The following ADH6 variants were observed in gnomAD, a reference collection of about 807,000 sequenced individuals.
ADH6 encodes the protein alcohol dehydrogenase 6.
ADH6 carries 34 observed loss-of-function variants against 36.5 expected under a neutral mutation model. The ratio of observed to expected loss-of-function variants is 0.93; its 90% CI spans 0.71 to 1.24. ADH6 has a LOEUF of 1.24. Among genes scored for constraint, ADH6 ranks in the 50% most tolerant of loss-of-function variants. ADH6 has a pLI of 0.00. For synonymous variants in ADH6, 161 were observed against 155.5 expected (o/e 1.04, Z -0.26); for missense variants, 440 against 447.0 (o/e 0.98, Z 0.14).
In ADH6 at chr4:99,203,056, C is replaced by G. The variant is rs888897558; in HGVS notation, c.*1163G>C. 5.4e-6 allele frequency: 2 copies of G among 372,084 alleles called. No individual in the cohort carries two copies. Among genetic ancestry groups the G allele is most frequent in the Non-Finnish European group, 9.5e-6 (2 of 209,592 alleles). The allele number at this position is 372,084 out of a possible 1,614,324, so 23.0% of individuals were successfully genotyped here. The stretch of plus-strand genomic sequence containing the variant: ...CTGAGGGTGCAGCCCACCTTCCTGG[C>G]CAGTGTTAAATCAGGAAACTATTTT... On this transcript the variant is annotated 3_prime_UTR_variant, in exon 9 of 9. Transcript: ENST00000394899.
At chr4:99,216,032 A>C (rs577909073) in intron 2 of ADH6, 129 bp downstream of exon 2, 7 of 482,496 alleles carry the variant, frequency 1.5e-5, no homozygotes, top group African/African-American at 1.4e-4. Context: ...ATGAAAAAGA[A>C]ATACAAAGAT....
chr4:99,204,955 T>G lies in ADH6; in HGVS notation c.1073A>C (p.Glu358Ala). 1 of 1,609,576 alleles carries G rather than the reference T, an allele frequency of 6.2e-7. No individual in the cohort carries two copies. Among genetic ancestry groups the G allele is most frequent in the Non-Finnish European group, 8.5e-7 (1 of 1,178,306 alleles). Residue 358 changes from glutamate (E) to alanine (A), a missense_variant, in exon 8 of 9, where the codon GAA becomes GCA. By Grantham distance (107) the Glu-to-Ala change is moderately radical. Coordinates refer to ENST00000394899, the MANE Select transcript of ADH6 (RefSeq NM_001102470.2). The stretch of plus-strand genomic sequence containing the variant: ...TCCAGTTTTCATTAATTCAACTGCT[T>G]CATTGATTTTATCAAGATTCAGAGT... ...THTLNLDKIN[E>A]AVELMKTGKC... is the part of the protein sequence containing the mutation.
rs189046113 is a variant in ADH6 at position 99,209,745 on chromosome 4, C to T, written c.567+337G>A. Among the ~76,000 whole-genome samples, 46 of 152,046 alleles carry T rather than the reference C, an allele frequency of 3.0e-4. No homozygotes were observed. In the East Asian group the frequency reaches 7.5e-3, roughly 25 times the overall value. Reference sequence around the variant, plus strand: ...TAGCACCTGGGACAGTGAATGGCTCCGAAAATATTTGTCTAAGGAAAGAAA... The same window carrying T: ...TAGCACCTGGGACAGTGAATGGCTCTGAAAATATTTGTCTAAGGAAAGAAA... On this transcript the variant is annotated intron_variant, in intron 5 of 8. Transcript: ENST00000394899.
In ADH6 at chr4:99,203,056, C is replaced by A; in HGVS notation, c.*1163G>T. 2.7e-6 allele frequency: 1 copy of A among 372,202 alleles called. No individual in the cohort carries two copies. The highest frequency in any genetic ancestry group is 4.5e-5 in the Admixed American group (1 of 22,018). 23.1% of individuals were successfully genotyped at this position (372,202 alleles called of 1,614,324 possible). ...CTGAGGGTGCAGCCCACCTTCCTGG[C>A]CAGTGTTAAATCAGGAAACTATTTT... On this transcript the variant is annotated 3_prime_UTR_variant, in exon 9 of 9. Transcript: ENST00000394899.
chr4:99,210,420 T>C lies in ADH6; in HGVS notation c.345A>G (p.Gln115=), dbSNP rs1731183465. The C allele has an allele frequency of 6.2e-7, 1 of 1,608,012 alleles. No homozygotes were observed. Among genetic ancestry groups the C allele is most frequent in the Non-Finnish European group, 8.5e-7 (1 of 1,175,508 alleles). ...AAATATTAGTAAAAACTTACTTGAA[T>C]TGTATACAAAAATTGCCCTCAGAAT... is the stretch of plus-strand genomic sequence containing the variant. The part of the protein sequence containing the change: ...CLNSEGNFCI[Q]FKQSKTQLMS... Residue 115 remains glutamine (Q), a synonymous_variant, in exon 4 of 9, where the codon CAA becomes CAG. Transcript: ENST00000394899.
chr4:99,206,861 A>G (rs548679441), intron 7 of ADH6, among the ~76,000 whole-genome samples: 1 of 152,158 alleles, frequency 6.6e-6, no homozygotes, highest in Non-Finnish European at 1.5e-5. Flanking sequence ...TTTTCAATAA[A>G]ATAGTCTTCT....
In ADH6 at chr4:99,208,754, T is replaced by C; in HGVS notation, c.742A>G (p.Lys248Glu). 1 of 1,613,884 alleles carries C rather than the reference T, an allele frequency of 6.2e-7. No homozygotes were observed. The highest frequency in any genetic ancestry group is 1.1e-5 in the South Asian group (1 of 91,072). The part of the protein sequence containing the change: ...ATECLNPQDL[K>E]KPIQEVLFDM... The stretch of plus-strand genomic sequence containing the variant: ...AATAAAACTTCTTGAATGGGTTTCT[T>C]TAAGTCCTGAGGGTTGAGGCACTCA... The change falls in exon 6 of 9, where the codon AAG becomes GAG. Residue 248 changes from lysine to glutamate, a missense_variant. Physicochemically the swap from Lys to Glu is moderately conservative, Grantham distance 56 (BLOSUM62 1). Coordinates refer to ENST00000394899, the MANE Select transcript of ADH6 (RefSeq NM_001102470.2).
At chr4:99,209,997 A>G in intron 5 of ADH6, 85 bp downstream of exon 5, 1 of 1,385,816 alleles carries the variant, frequency 7.2e-7, no homozygotes, top group Non-Finnish European at 1.0e-6. Context: ...TTCCTTTGGT[A>G]TGATAAGAGA....
At chr4:99,216,332 G>C in intron 1 of ADH6, 70 bp from the exon 2 acceptor site, 1 of 911,796 alleles carries the variant, frequency 1.1e-6, no homozygotes, top group South Asian at 2.1e-5. Flanking sequence ...TGCTATATTA[G>C]TGATTATAGA....
In ADH6 at chr4:99,204,136, A is replaced by C; in HGVS notation, c.*83T>G. On this transcript the variant is annotated 3_prime_UTR_variant, in exon 9 of 9. Coordinates refer to ENST00000394899, the MANE Select transcript of ADH6 (RefSeq NM_001102470.2). ...AATATAGAAATGGGATTGGGTGAATAATTCTTCTAAATCATGAAAATTACA... is the reference window on the plus strand; with the variant it reads ...AATATAGAAATGGGATTGGGTGAATCATTCTTCTAAATCATGAAAATTACA... The C allele has an allele frequency of 6.7e-7, 1 of 1,486,056 alleles. No individual in the cohort carries two copies. Among genetic ancestry groups the C allele is most frequent in the Non-Finnish European group, 9.1e-7 (1 of 1,093,102 alleles). 92.1% of individuals were successfully genotyped at this position (1,486,056 alleles called of 1,614,324 possible).
At chr4:99,216,982 C>G (rs1731457064) in intron 1 of ADH6, among the ~76,000 whole-genome samples, 1 of 152,130 alleles carries the variant, frequency 6.6e-6, no homozygotes, top group Non-Finnish European at 1.5e-5. Flanking sequence ...AGTGACCCTA[C>G]TCTGGTATCA....
intron 2 of ADH6, among the ~76,000 whole-genome samples, chr4:99,214,998 T>C (rs1325650017): frequency 2.0e-5 from 3 of 152,260 alleles, no homozygotes; most frequent in Non-Finnish European, 2.9e-5. Flanking sequence ...TAACCAGTGA[T>C]GAGTCTGCCC....
In ADH6 at chr4:99,219,198, C is replaced by T; in HGVS notation, c.-46G>A. 6.4e-7 allele frequency: 1 copy of T among 1,573,174 alleles called. No homozygotes were observed. Among genetic ancestry groups the T allele is most frequent in the Middle Eastern group, 1.7e-4 (1 of 5,994 alleles). ...ATGAATTTATTGAGAAAGGGAGATC[C>T]TGTAGCAACTTTCACTGTAGAAAGT... On this transcript the variant is annotated 5_prime_UTR_variant, in exon 1 of 9. Coordinates refer to ENST00000394899, the MANE Select transcript of ADH6 (RefSeq NM_001102470.2).
chr4:99,205,703 T>A (rs1341376241), intron 7 of ADH6, among the ~76,000 whole-genome samples: 1 of 152,156 alleles, frequency 6.6e-6, no homozygotes, highest in Admixed American at 6.5e-5. Flanking sequence ...ACATTAAATT[T>A]AGCACTGTGC....
At position 99,213,745 on chromosome 4, in the gene ADH6, A is replaced by G. The variant is rs1183966204; in HGVS notation, c.123T>C (p.Val41=). 2 of 1,603,546 alleles carry G rather than the reference A, an allele frequency of 1.2e-6. No homozygotes were observed. The highest frequency in any genetic ancestry group is 2.7e-5 in the African/African-American group (2 of 74,496). The change falls in exon 3 of 9, where the codon GTT becomes GTC. Residue 41 remains valine, a splice_region_variant and synonymous_variant. Coordinates refer to ENST00000394899, the MANE Select transcript of ADH6 (RefSeq NM_001102470.2). ...CTGTACCACACAGTCCGGTGGCCAC[A>G]ACCTGTATGGAAGGCAAAGGGTACT... ...PPKAKEVRIK[V]VATGLCGTEM...
intron 2 of ADH6, 108 bp from the exon 3 acceptor site, chr4:99,213,855 C>T (rs1173888878): frequency 1.1e-6 from 1 of 947,574 alleles, no homozygotes; most frequent in African/African-American, 1.7e-5. Flanking sequence ...CATTTATACA[C>T]TGCATTCATT....
At chr4:99,204,431 G>A in intron 8 of ADH6, 188 bp from the exon 9 acceptor site, 2 of 1,402,592 alleles carry the variant, frequency 1.4e-6, no homozygotes, top group Non-Finnish European at 1.8e-6. Context: ...GTAAAAAGTA[G>A]GTAAGCAAGC....
Position 99,204,202 on chromosome 4 carries a change from C to A in ADH6, c.*17G>T. On this transcript the variant is annotated 3_prime_UTR_variant, in exon 9 of 9. Transcript: ENST00000394899. ...TTGGTGAAATATCCTTTGGGTCTTG[C>A]ATGTATTACATTGTACTTAAAGTAA... 6.3e-7 allele frequency: 1 copy of A among 1,597,444 alleles called. No homozygotes were observed. Among genetic ancestry groups the A allele is most frequent in the Non-Finnish European group, 8.5e-7 (1 of 1,176,142 alleles).
rs751018925 is a variant in ADH6 at position 99,204,176 on chromosome 4, G to A, written c.*43C>T. The A allele has an allele frequency of 1.3e-6, 2 of 1,572,510 alleles. No homozygotes were observed. Among genetic ancestry groups the A allele is most frequent in the Admixed American group, 3.6e-5 (2 of 55,482 alleles). On this transcript the variant is annotated 3_prime_UTR_variant, in exon 9 of 9. Coordinates refer to ENST00000394899, the MANE Select transcript of ADH6 (RefSeq NM_001102470.2). Reference sequence around the variant, plus strand: ...TGAAAATTACATCAAATGCCATTGAGTTGGTGAAATATCCTTTGGGTCTTG... The same window carrying A: ...TGAAAATTACATCAAATGCCATTGAATTGGTGAAATATCCTTTGGGTCTTG...
Sources: allele counts gnomAD v4.1 joint callset (sites outside exome capture counted in the v4.1 genomes callset), GRCh38; gene constraint gnomAD v4.1.1; transcripts MANE v1.5; gene names NCBI Gene and HGNC (gene_info 2026-07-23, HGNC 2026-07-21).